Variants in CABP1 observed in about 807,000 individuals in gnomAD.
The protein encoded by CABP1 is calcium-binding protein 1.
CABP1 carries 17 observed loss-of-function variants against 34.3 expected under a neutral mutation model. That is an observed-to-expected ratio of 0.50 (90% CI 0.34 to 0.74). The LOEUF (loss-of-function observed/expected upper bound fraction) is 0.74, where lower values mean the gene tolerates loss of function less well. Among genes scored for constraint, CABP1 ranks in the 30% least tolerant of loss-of-function variants. The pLI, the probability that CABP1 is intolerant of heterozygous loss-of-function variation, is 0.01. For missense variants in CABP1, 373 were observed against 511.1 expected (o/e 0.73, Z 2.61); for synonymous variants, 198 against 229.2 (o/e 0.86, Z 1.23).
chr12:120,678,960 C>T, the CABP1 span, among the ~76,000 whole-genome samples: 3 of 150,038 alleles, frequency 2.0e-5, no homozygotes, highest in Admixed American at 2.0e-4. Flanking sequence ...GTAGTCGCAG[C>T]TACTTGGGAG....
downstream of CABP1, among the ~76,000 whole-genome samples, chr12:120,671,234 G>A (rs932449428): frequency 3.3e-5 from 5 of 152,110 alleles, no homozygotes; most frequent in Non-Finnish European, 5.9e-5. Context: ...GTGAAACACC[G>A]TCTCTACTAA....
intron 5 of CABP1, among the ~76,000 whole-genome samples, chr12:120,663,688 C>A (rs1361649209): frequency 6.6e-6 from 1 of 152,202 alleles, no homozygotes; most frequent in Non-Finnish European, 1.5e-5. Context: ...ACATTTAATT[C>A]TCAGAATGAC....
chr12:120,678,071 C>T, the CABP1 span, among the ~76,000 whole-genome samples: 1 of 152,206 alleles, frequency 6.6e-6, no homozygotes, highest in Non-Finnish European at 1.5e-5. Context: ...TGTGGTCTAA[C>T]TCCCAGAGGC....
chr12:120,677,948 C>T, the CABP1 span, among the ~76,000 whole-genome samples: 1 of 152,224 alleles, frequency 6.6e-6, no homozygotes, highest in Non-Finnish European at 1.5e-5. Flanking sequence ...CATTCTCCCT[C>T]CTGCGAAGTT....
At chr12:120,663,552 A>G (rs1206831438) in intron 5 of CABP1, among the ~76,000 whole-genome samples, 1 of 152,242 alleles carries the variant, frequency 6.6e-6, no homozygotes, top group Non-Finnish European at 1.5e-5. Context: ...CTGGGATTAC[A>G]GTCGTGAGCC....
the CABP1 span, among the ~76,000 whole-genome samples, chr12:120,673,102 G>A: frequency 6.6e-6 from 1 of 152,140 alleles, no homozygotes; most frequent in African/African-American, 2.4e-5. Context: ...CAGGAAAGTG[G>A]TTGCTTTTAG....
intron 1 of CABP1, among the ~76,000 whole-genome samples, chr12:120,657,921 G>T (rs767431223): frequency 9.9e-5 from 15 of 152,152 alleles, no homozygotes; most frequent in Non-Finnish European, 1.8e-4. Context: ...TAGGGCGTGT[G>T]CTCTGCATGT....
chr12:120,647,983 A>G (rs532211858), intron 1 of CABP1, among the ~76,000 whole-genome samples: 2 of 152,286 alleles, frequency 1.3e-5, no homozygotes, highest in East Asian at 3.9e-4. Context: ...CATTGGAGAC[A>G]GAATTAAGTT....
the CABP1 span, among the ~76,000 whole-genome samples, chr12:120,672,865 A>G: frequency 1.3e-5 from 2 of 152,020 alleles, no homozygotes. Flanking sequence ...ACCCGTCTCT[A>G]CTAAAAACAC....
chr12:120,641,502 C>A lies in CABP1; in HGVS notation c.654+163C>A, dbSNP rs921076950. The A allele has an allele frequency of 1.4e-6, 1 of 696,198 alleles. No homozygotes were observed. Among genetic ancestry groups the A allele is most frequent in the Non-Finnish European group, 2.0e-6 (1 of 499,594 alleles). 43.1% of individuals were successfully genotyped at this position (696,198 alleles called of 1,614,324 possible). On this transcript the variant is annotated intron_variant, in intron 1 of 5. Transcript: ENST00000316803. The surrounding 1 kb of genome is among the most constrained non-coding windows in gnomAD (Gnocchi z 6.7). ...GCCGGCGCCCTTGCCGGCACTCCTC[C>A]TCCCCGTGCCTGATTCAGCACCCCG... is the stretch of plus-strand genomic sequence containing the variant.
At chr12:120,646,836 A>G (rs527622556) in intron 1 of CABP1, among the ~76,000 whole-genome samples, 5 of 152,262 alleles carry the variant, frequency 3.3e-5, no homozygotes, top group South Asian at 2.1e-4. Context: ...AAAATTTCCT[A>G]CTGAAGGCTG....
At chr12:120,677,775 T>C in the CABP1 span, among the ~76,000 whole-genome samples, 6 of 152,282 alleles carry the variant, frequency 3.9e-5, no homozygotes, top group East Asian at 7.7e-4. Flanking sequence ...CATTCACAGA[T>C]GAGGAAACCA....
chr12:120,650,686 T>C lies in CABP1; in HGVS notation c.655-9192T>C, dbSNP rs1372050302. On this transcript the variant is annotated intron_variant, in intron 1 of 5. Transcript: ENST00000316803. ...ACTGAGAAATCTCTCAAGGAAGGTA[T>C]GTTTTTGGAGTTTCCAAGATCTGGG... 2.5e-6 allele frequency: 4 copies of C among 1,613,890 alleles called. No individual in the cohort carries two copies. In the African/African-American group the frequency reaches 4.0e-5, roughly 16 times the overall value.
At chr12:120,651,727 C>T (rs1171015614) in intron 1 of CABP1, among the ~76,000 whole-genome samples, 3 of 152,178 alleles carry the variant, frequency 2.0e-5, no homozygotes, top group Admixed American at 1.3e-4. Flanking sequence ...TTCTGCCTGT[C>T]GTCTTCCTCA....
chr12:120,679,593 C>T, the CABP1 span, among the ~76,000 whole-genome samples: 3 of 152,078 alleles, frequency 2.0e-5, no homozygotes, highest in East Asian at 3.9e-4. Context: ...TTTGAGAAGC[C>T]GAGGTGGGCG....
chr12:120,642,445 A>C (rs1228456809), intron 1 of CABP1, among the ~76,000 whole-genome samples: 3 of 152,194 alleles, frequency 2.0e-5, no homozygotes, highest in Non-Finnish European at 4.4e-5. Context: ...ACTACTCGGC[A>C]GTGGCTGATG....
Position 120,666,911 on chromosome 12 carries a change from GC to G in CABP1, c.*15del. The G allele has an allele frequency of 1.2e-6, 2 of 1,602,530 alleles. No homozygotes were observed. Among genetic ancestry groups the G allele is most frequent in the Non-Finnish European group, 8.5e-7 (1 of 1,178,230 alleles). ...ATGATGTCCCGCTGAGGCCGCGAGG[GC>G]CCCTCCAGGACTGCCAAGCTCCCAA... is the stretch of plus-strand genomic sequence containing the variant. On this transcript the variant is annotated 3_prime_UTR_variant, in exon 6 of 6. Coordinates refer to ENST00000316803, the MANE Select transcript of CABP1 (RefSeq NM_001033677.2).
chr12:120,653,603 C>T (rs907899282), intron 1 of CABP1, among the ~76,000 whole-genome samples: 2 of 152,172 alleles, frequency 1.3e-5, no homozygotes, highest in African/African-American at 2.4e-5. Context: ...TGGCGCATCT[C>T]GGCTCACTGA....
the CABP1 span, among the ~76,000 whole-genome samples, chr12:120,675,128 C>T: frequency 6.6e-6 from 1 of 151,188 alleles, no homozygotes; most frequent in Non-Finnish European, 1.5e-5. Flanking sequence ...TCTCGGCTCA[C>T]TGCAGCCTCT....
Sources: gnomAD v4.1 joint callset for allele counts (sites outside exome capture counted in the v4.1 genomes callset) on GRCh38, gnomAD v4.1.1 for gene constraint, Gnocchi (gnomAD v3.1) non-coding constraint, MANE v1.5 for transcripts, NCBI Gene and HGNC (gene_info 2026-07-23, HGNC 2026-07-21) for gene names.